The following CFAP299 variants were observed in gnomAD, a reference collection of about 807,000 sequenced individuals.
CFAP299 encodes the protein cilia and flagella associated protein 299.
Under a neutral mutation model 27.0 loss-of-function variants are expected in CFAP299, and 21 were observed. That is an observed-to-expected ratio of 0.78 (90% CI 0.55 to 1.12). CFAP299 has a LOEUF of 1.12. CFAP299 is among the 50% of genes most tolerant of loss of function. The probability of loss-of-function intolerance (pLI) is 0.00; values close to 1 mark genes in which losing one functional copy is unlikely to be tolerated. For synonymous variants in CFAP299, 104 were observed against 98.1 expected (o/e 1.06, Z -0.36); for missense variants, 310 against 276.6 (o/e 1.12, Z -0.86).
intron 4 of CFAP299, among the ~76,000 whole-genome samples, chr4:80,942,947 A>T (rs563632171): frequency 2.0e-5 from 3 of 152,186 alleles, no homozygotes; most frequent in Admixed American, 6.5e-5. Context: ...TAGATAGTCA[A>T]ATTGGCTTCT....
chr4:80,875,322 T>A (rs1027925880), intron 4 of CFAP299, among the ~76,000 whole-genome samples: 1 of 152,144 alleles, frequency 6.6e-6, no homozygotes, highest in African/African-American at 2.4e-5. Context: ...AAACAAAAAA[T>A]TTCCCACAAA....
intron 2 of CFAP299, among the ~76,000 whole-genome samples, chr4:80,483,084 C>T (rs1730645572): frequency 6.6e-6 from 1 of 152,160 alleles, no homozygotes; most frequent in Admixed American, 6.5e-5. Flanking sequence ...TTGGATTATA[C>T]AGGTGCATTC....
At chr4:80,859,404 A>G (rs1578190540) in intron 3 of CFAP299, among the ~76,000 whole-genome samples, 3 of 152,000 alleles carry the variant, frequency 2.0e-5, no homozygotes, top group African/African-American at 4.8e-5. Flanking sequence ...CATTTAGTCC[A>G]TTTACATTTA....
At chr4:80,876,630 G>C (rs1312037086) in intron 4 of CFAP299, among the ~76,000 whole-genome samples, 1 of 152,114 alleles carries the variant, frequency 6.6e-6, no homozygotes, top group Non-Finnish European at 1.5e-5. Flanking sequence ...TCATTAAAGT[G>C]TTAGCTGGCT....
intron 2 of CFAP299, among the ~76,000 whole-genome samples, chr4:80,480,449 C>T (rs558237111): frequency 6.4e-4 from 98 of 152,044 alleles, no homozygotes; most frequent in African/African-American, 2.3e-3. Context: ...CTTATTTGGT[C>T]TATTCTGTTG....
intron 3 of CFAP299, among the ~76,000 whole-genome samples, chr4:80,747,841 A>G (rs1023903575): frequency 1.3e-5 from 2 of 152,056 alleles, no homozygotes; most frequent in African/African-American, 2.4e-5. Context: ...ATCAATATTC[A>G]TGGCTTTACC....
At chr4:80,421,237 C>T (rs1727272632) in intron 2 of CFAP299, among the ~76,000 whole-genome samples, 1 of 152,170 alleles carries the variant, frequency 6.6e-6, no homozygotes, top group African/African-American at 2.4e-5. Flanking sequence ...TTTGCATTCT[C>T]ATTACTTTAT....
chr4:80,639,177 G>A (rs1175582259), intron 3 of CFAP299, among the ~76,000 whole-genome samples: 3 of 152,102 alleles, frequency 2.0e-5, no homozygotes, highest in Admixed American at 1.3e-4. Context: ...CATAACCCAG[G>A]TGCTGCACTA....
chr4:80,548,335 C>A (rs1427878066), intron 2 of CFAP299, among the ~76,000 whole-genome samples: 2 of 152,024 alleles, frequency 1.3e-5, no homozygotes, highest in African/African-American at 4.8e-5. Context: ...AAACATTTTA[C>A]AGACATGGAC....
At chr4:80,326,790 T>C in the CFAP299 span, among the ~76,000 whole-genome samples, 3 of 152,218 alleles carry the variant, frequency 2.0e-5, no homozygotes, top group Non-Finnish European at 4.4e-5. Context: ...TTTAAAAATA[T>C]CAAATGATTA....
At chr4:80,682,537 C>G (rs1719907643) in intron 3 of CFAP299, among the ~76,000 whole-genome samples, 1 of 151,502 alleles carries the variant, frequency 6.6e-6, no homozygotes. Flanking sequence ...CCAGCCCCTA[C>G]TAAATGCTAA....
chr4:80,550,552 A>G (rs1275000703), intron 2 of CFAP299, among the ~76,000 whole-genome samples: 4 of 152,124 alleles, frequency 2.6e-5, no homozygotes, highest in Non-Finnish European at 5.9e-5. Context: ...TTAAGTGATT[A>G]TAAGTGGGTT....
intron 3 of CFAP299, among the ~76,000 whole-genome samples, chr4:80,836,292 C>T (rs966992391): frequency 3.9e-5 from 6 of 152,108 alleles, no homozygotes; most frequent in Non-Finnish European, 5.9e-5. Flanking sequence ...TAAAAAATTA[C>T]CACAAAGTTA....
chr4:80,916,157 G>A (rs1735739277), intron 4 of CFAP299, among the ~76,000 whole-genome samples: 1 of 149,294 alleles, frequency 6.7e-6, no homozygotes, highest in Admixed American at 6.7e-5. Flanking sequence ...AGCTATTCAA[G>A]AGGCTGAGGC....
intron 3 of CFAP299, among the ~76,000 whole-genome samples, chr4:80,634,495 A>G (rs879504464): frequency 1.3e-5 from 2 of 152,172 alleles, no homozygotes; most frequent in African/African-American, 2.4e-5. Context: ...ATATATCTGT[A>G]TACATAATAG....
intron 4 of CFAP299, among the ~76,000 whole-genome samples, chr4:80,890,827 C>T (rs1162797690): frequency 4.8e-5 from 7 of 145,474 alleles, no homozygotes; most frequent in African/African-American, 1.6e-4. Context: ...ATGAGCATTT[C>T]TTCATGTGTT....
In CFAP299 at chr4:80,543,440, C is replaced by G. The variant is rs569373280; in HGVS notation, c.243-39653C>G. On this transcript the variant is annotated intron_variant, in intron 2 of 5. Transcript: ENST00000358105. The stretch of plus-strand genomic sequence containing the variant: ...TTAAGATATAAGAGGAGGTTGAAAC[C>G]CAATCCAGGGAAAGCAGTAAAATAA... Among the ~76,000 whole-genome samples, 12 of 152,240 alleles carry G rather than the reference C, an allele frequency of 7.9e-5. No homozygotes were observed. The South Asian group carries it at 2.5e-3, about 32-fold the overall frequency.
intron 3 of CFAP299, among the ~76,000 whole-genome samples, chr4:80,622,991 G>T (rs1188481874): frequency 1.3e-5 from 2 of 152,108 alleles, no homozygotes; most frequent in South Asian, 4.1e-4. Context: ...TAAGTGAGAG[G>T]ATCAACATGT....
At chr4:80,846,562 T>C (rs537251958) in intron 3 of CFAP299, among the ~76,000 whole-genome samples, 6 of 152,344 alleles carry the variant, frequency 3.9e-5, no homozygotes, top group Non-Finnish European at 8.8e-5. Flanking sequence ...TTGACAATTA[T>C]AATGAGAACT....
Sources: gnomAD v4.1 joint callset for allele counts (sites outside exome capture counted in the v4.1 genomes callset) on GRCh38, gnomAD v4.1.1 for gene constraint, MANE v1.5 for transcripts, NCBI Gene and HGNC (gene_info 2026-07-23, HGNC 2026-07-21) for gene names.